WWP2: variants seen among roughly 807,000 people sequenced by gnomAD.
The protein encoded by WWP2 is WW domain containing E3 ubiquitin protein ligase 2, also known as NEDD4-like E3 ubiquitin-protein ligase WWP2.
A neutral mutation model predicts 121.0 loss-of-function variants in WWP2; 57 were observed. That is an observed-to-expected ratio of 0.47 (90% CI 0.38 to 0.59). The LOEUF is 0.59. WWP2 is among the 20% of genes least tolerant of loss of function. The pLI is 0.00. For synonymous variants in WWP2, 449 were observed against 441.3 expected (o/e 1.02, Z -0.22); for missense variants, 962 against 1,158.9 (o/e 0.83, Z 2.47).
intron 10 of WWP2, among the ~76,000 whole-genome samples, chr16:69,921,409 T>C (rs1282158949): frequency 6.6e-6 from 1 of 152,224 alleles, no homozygotes; most frequent in African/African-American, 2.4e-5. Context: ...ACCTTGTTCT[T>C]CTTTGCTGCA....
At chr16:69,878,183 G>A (rs1253523368) in intron 7 of WWP2, among the ~76,000 whole-genome samples, 1 of 152,088 alleles carries the variant, frequency 6.6e-6, no homozygotes, top group Non-Finnish European at 1.5e-5. Flanking sequence ...AAAGATCACT[G>A]GTCACAGATC....
intron 1 of WWP2, among the ~76,000 whole-genome samples, chr16:69,766,967 T>C (rs2038744138): frequency 6.6e-6 from 1 of 151,926 alleles, no homozygotes; most frequent in African/African-American, 2.4e-5. Context: ...TTGGTCAGGC[T>C]AGCCTCAAAA....
chr16:69,870,487 G>A (rs1271555118), intron 6 of WWP2, among the ~76,000 whole-genome samples: 1 of 151,956 alleles, frequency 6.6e-6, no homozygotes. Context: ...TTTTTGTAGA[G>A]GCAGGGTCTC....
At chr16:69,808,884 A>G (rs2056334055) in intron 4 of WWP2, among the ~76,000 whole-genome samples, 1 of 152,222 alleles carries the variant, frequency 6.6e-6, no homozygotes, top group African/African-American at 2.4e-5. Context: ...TCTATTGCGT[A>G]TGTACAGATC....
At chr16:69,890,197 A>G (rs118074110) in intron 8 of WWP2, among the ~76,000 whole-genome samples, 1,649 of 148,318 alleles carry the variant, frequency 0.011, 21 homozygotes, top group Non-Finnish European at 0.016. Context: ...TCAAAAACCC[A>G]GTTGTCAAAA....
chr16:69,824,511 C>CCCCCCT (rs1190010506), intron 4 of WWP2, among the ~76,000 whole-genome samples: 3 of 96,646 alleles, frequency 3.1e-5, no homozygotes, highest in African/African-American at 1.2e-4. Flanking sequence ...TCCCTCCCTT[C>CCCCCCT]CCCCCTCCCC....
intron 5 of WWP2, 58 bp from the exon 6 acceptor site, chr16:69,841,965 CA>C: frequency 1.3e-6 from 2 of 1,538,868 alleles, no homozygotes; most frequent in Non-Finnish European, 1.8e-6. Context: ...CGTCAAATCT[CA>C]AACACGAGTT....
intron 4 of WWP2, chr16:69,838,623 C>A: frequency 1.9e-6 from 1 of 531,422 alleles, no homozygotes; most frequent in Non-Finnish European, 2.4e-6. Flanking sequence ...AGCTGCTTCC[C>A]AAGTGGCCAC....
At chr16:69,773,753 A>T (rs1372201727) in intron 1 of WWP2, among the ~76,000 whole-genome samples, 2 of 152,146 alleles carry the variant, frequency 1.3e-5, no homozygotes, top group Non-Finnish European at 2.9e-5. Context: ...AAGTGCTTGG[A>T]TTACAGGCAT....
intron 1 of WWP2, chr16:69,783,000 G>T (rs1160128365): frequency 6.8e-6 from 1 of 146,954 alleles, no homozygotes; most frequent in Non-Finnish European, 1.5e-5. Context: ...CATATGAAGG[G>T]CTTTTGTCCT....
chr16:69,931,854 G>T lies in WWP2; in HGVS notation c.1646G>T (p.Arg549Leu). The change falls in exon 16 of 24, where the codon CGT becomes CTT. Residue 549 changes from arginine to leucine, a missense_variant. This residue lies in a region of WWP2 where 606 missense variants were observed against 772.6 expected (regional missense o/e 0.78). Coordinates refer to ENST00000359154, the MANE Select transcript of WWP2 (RefSeq NM_001270454.2). ...DLRRRLYIIM[R>L]GEEGLDYGGI... ...CGCCGCCGGCTCTACATCATCATGC[G>T]TGGCGAGGAGGGCCTGGACTATGGG... is the stretch of plus-strand genomic sequence containing the variant. 6.2e-7 allele frequency: 1 copy of T among 1,613,696 alleles called. No individual in the cohort carries two copies. The highest frequency in any genetic ancestry group is 8.5e-7 in the Non-Finnish European group (1 of 1,180,010).
At chr16:69,779,596 G>C (rs2055620266) in intron 1 of WWP2, among the ~76,000 whole-genome samples, 1 of 152,108 alleles carries the variant, frequency 6.6e-6, no homozygotes, top group African/African-American at 2.4e-5. Context: ...CCATGTATGG[G>C]CTTCAAGTTC....
chr16:69,880,160 ATATATAT>A (rs1370919603), intron 7 of WWP2, among the ~76,000 whole-genome samples: 31 of 150,992 alleles, frequency 2.1e-4, no homozygotes, highest in Admixed American at 1.8e-3. Flanking sequence ...TTTATACATA[ATATATAT>A]TATATAGACA....
intron 8 of WWP2, among the ~76,000 whole-genome samples, chr16:69,899,090 C>T (rs977618399): frequency 4.5e-4 from 69 of 152,232 alleles, no homozygotes; most frequent in Non-Finnish European, 5.6e-4. Flanking sequence ...TGTGGCTTGT[C>T]TTTTCAATTT....
At chr16:69,789,097 G>A (rs764410848) in intron 2 of WWP2, among the ~76,000 whole-genome samples, 15 of 151,892 alleles carry the variant, frequency 9.9e-5, no homozygotes, top group African/African-American at 1.9e-4. Context: ...TCGCTCTGTC[G>A]CCCAGGCTGG....
rs530323907 is a variant in WWP2 at position 69,913,723 on chromosome 16, T to C, written c.1005-3986T>C. On this transcript the variant is annotated intron_variant, in intron 9 of 23. Coordinates refer to ENST00000359154, the MANE Select transcript of WWP2 (RefSeq NM_001270454.2). ...TGGACCAGGCAGAAAACAGGAGCTT[T>C]TAGAAATTAATATATATGACAACAG... is the stretch of plus-strand genomic sequence containing the variant. Among the ~76,000 whole-genome samples, 25 of 151,968 alleles carry C rather than the reference T, an allele frequency of 1.6e-4. No homozygotes were observed. The South Asian group carries it at 5.0e-3, about 30-fold the overall frequency.
At chr16:69,889,170 C>CAG (rs2057981746) in intron 8 of WWP2, among the ~76,000 whole-genome samples, 1 of 152,092 alleles carries the variant, frequency 6.6e-6, no homozygotes. Context: ...CACACACACA[C>CAG]ACACACAAAT....
chr16:69,831,064 G>A (rs2056785086), intron 4 of WWP2, among the ~76,000 whole-genome samples: 1 of 152,166 alleles, frequency 6.6e-6, no homozygotes, highest in African/African-American at 2.4e-5. Flanking sequence ...AGGGAGGCAG[G>A]AAGAAGGAGG....
intron 9 of WWP2, chr16:69,910,281 C>G (rs1006850547): frequency 4.8e-5 from 34 of 703,474 alleles, no homozygotes; most frequent in Admixed American, 6.3e-5. Flanking sequence ...TTATCAAATA[C>G]CCAGTCAATA....
Sources: gnomAD v4.1 joint callset for allele counts (sites outside exome capture counted in the v4.1 genomes callset) on GRCh38, gnomAD v4.1.1 for gene constraint, gnomAD v4.1.1 regional missense constraint, MANE v1.5 for transcripts, NCBI Gene and HGNC (gene_info 2026-07-23, HGNC 2026-07-21) for gene names.